ROBO2: variants seen among roughly 807,000 people sequenced by gnomAD.
ROBO2 encodes roundabout guidance receptor 2.
In ROBO2, 53 loss-of-function variants were observed where a neutral mutation model predicts 160.8. That is an observed-to-expected ratio of 0.33 (90% confidence interval 0.26 to 0.41). The LOEUF is 0.41. Among genes scored for constraint, ROBO2 ranks in the 10% least tolerant of loss-of-function variants. The probability of loss-of-function intolerance (pLI) is 1.00; values close to 1 mark genes in which losing one functional copy is unlikely to be tolerated. For synonymous variants in ROBO2, 664 were observed against 611.7 expected (o/e 1.09, Z -1.26); for missense variants, 1,577 against 1,722.4 (o/e 0.92, Z 1.49).
At chr3:77,301,482 A>T (rs979276072) in intron 2 of ROBO2, among the ~76,000 whole-genome samples, 1 of 152,210 alleles carries the variant, frequency 6.6e-6, no homozygotes, top group Admixed American at 6.5e-5. Context: ...CACCAAAATT[A>T]TAGAATAATA....
intron 2 of ROBO2, among the ~76,000 whole-genome samples, chr3:77,125,537 C>G (rs146921534): frequency 6.6e-6 from 1 of 152,096 alleles, no homozygotes; most frequent in South Asian, 2.1e-4. Context: ...TTCTTAACGA[C>G]GAAAAGATTG....
chr3:76,313,170 C>A (rs890183831), intron 2 of ROBO2, among the ~76,000 whole-genome samples: 2 of 152,182 alleles, frequency 1.3e-5, no homozygotes, highest in African/African-American at 4.8e-5. Context: ...AAACTTTAAA[C>A]GTGTTGACTG....
intron 2 of ROBO2, among the ~76,000 whole-genome samples, chr3:77,191,756 A>G (rs1392399211): frequency 2.0e-5 from 3 of 152,162 alleles, no homozygotes; most frequent in Non-Finnish European, 2.9e-5. Flanking sequence ...CTATGCATAA[A>G]CAAGTCCCCA....
At chr3:76,538,708 A>C (rs1211027593) in intron 2 of ROBO2, among the ~76,000 whole-genome samples, 2 of 152,198 alleles carry the variant, frequency 1.3e-5, no homozygotes, top group African/African-American at 4.8e-5. Flanking sequence ...CATAGTACCC[A>C]ACAGGTAGTT....
At chr3:76,693,246 A>G (rs1433438206) in intron 2 of ROBO2, among the ~76,000 whole-genome samples, 1 of 137,198 alleles carries the variant, frequency 7.3e-6, no homozygotes, top group Non-Finnish European at 1.5e-5. Flanking sequence ...ATATACATAT[A>G]TGTGTATATA....
chr3:76,378,612 T>C (rs1347130915), intron 2 of ROBO2, among the ~76,000 whole-genome samples: 3 of 152,122 alleles, frequency 2.0e-5, no homozygotes, highest in Non-Finnish European at 4.4e-5. Context: ...CAGTGCAGAG[T>C]AGCAAGTTTA....
intron 2 of ROBO2, among the ~76,000 whole-genome samples, chr3:76,834,187 CTCTTTCTT>C (rs1307644698): frequency 1.5e-4 from 17 of 111,784 alleles, no homozygotes; most frequent in African/African-American, 4.0e-4. Flanking sequence ...CTCTCTCTCT[CTCTTTCTT>C]TCTTTCTTTC....
chr3:76,421,152 A>G (rs957082941), intron 2 of ROBO2, among the ~76,000 whole-genome samples: 3 of 151,816 alleles, frequency 2.0e-5, no homozygotes, highest in Non-Finnish European at 4.4e-5. Flanking sequence ...GCTGTAACAA[A>G]TCAAACATCT....
At chr3:77,426,936 C>G (rs932977858) in intron 2 of ROBO2, among the ~76,000 whole-genome samples, 4 of 152,126 alleles carry the variant, frequency 2.6e-5, no homozygotes, top group African/African-American at 9.7e-5. Context: ...CATTGAAAAT[C>G]TGATGAAAGT....
At chr3:76,664,833 C>T (rs535247958) in intron 2 of ROBO2, among the ~76,000 whole-genome samples, 2 of 152,192 alleles carry the variant, frequency 1.3e-5, no homozygotes, top group East Asian at 1.9e-4. Context: ...GCAAAATATT[C>T]AGGAAATTAA....
At chr3:76,719,947 A>C (rs763169697) in intron 2 of ROBO2, among the ~76,000 whole-genome samples, 5 of 152,068 alleles carry the variant, frequency 3.3e-5, no homozygotes, top group Non-Finnish European at 5.9e-5. Context: ...TTAACTTCTT[A>C]ATTGAGAACT....
intron 1 of ROBO2, among the ~76,000 whole-genome samples, chr3:77,084,803 G>C (rs1377229746): frequency 1.3e-5 from 2 of 152,044 alleles, no homozygotes; most frequent in African/African-American, 4.8e-5. Flanking sequence ...CATAATTCAA[G>C]CAGAAAAAGA....
chr3:77,319,926 TAAC>T (rs2064494481), intron 2 of ROBO2, among the ~76,000 whole-genome samples: 2 of 152,180 alleles, frequency 1.3e-5, no homozygotes, highest in South Asian at 2.1e-4. Flanking sequence ...CCCAAAAAGA[TAAC>T]AACGTGGTCA....
intron 2 of ROBO2, among the ~76,000 whole-genome samples, chr3:76,856,239 G>A (rs2070059189): frequency 6.6e-6 from 1 of 152,100 alleles, no homozygotes; most frequent in Non-Finnish European, 1.5e-5. Context: ...AAATAATTTT[G>A]CATTATTTAC....
intron 2 of ROBO2, among the ~76,000 whole-genome samples, chr3:76,693,038 GTC>G (rs549228597): frequency 1.4e-4 from 19 of 135,606 alleles, no homozygotes; most frequent in Non-Finnish European, 1.8e-4. Context: ...ACATACATAA[GTC>G]TCTCTCCCTA....
In ROBO2 at chr3:77,268,260, A is replaced by G. The variant is rs377491557; in HGVS notation, c.388+169920A>G. Among the ~76,000 whole-genome samples, 22 of 152,348 alleles carry G rather than the reference A, an allele frequency of 1.4e-4. 1 individual carries two copies. The highest frequency in any genetic ancestry group is 5.9e-4 in the Admixed American group (9 of 15,302). The stretch of plus-strand genomic sequence containing the variant: ...TAGTAAAATATGGAACATATGCTCA[A>G]TGAAAAAATGCATATATTTTTATTC... On this transcript the variant is annotated intron_variant, in intron 2 of 25. Transcript: ENST00000461745.
Position 76,348,491 on chromosome 3 carries a change from A to C in ROBO2, c.109+410889A>C, listed in dbSNP as rs143530038. Reference sequence around the variant, plus strand: ...AACAAGTGAAGACCTCTACTAATGGAAACATTTAAGAAGAATTAGGCTACT... The same window carrying C: ...AACAAGTGAAGACCTCTACTAATGGCAACATTTAAGAAGAATTAGGCTACT... On this transcript the variant is annotated intron_variant, in intron 2 of 26. Transcript: ENST00000487694. Among the ~76,000 whole-genome samples the C allele has an allele frequency of 4.9e-3, 752 of 152,266 alleles. 9 individuals carry two copies. The highest frequency in any genetic ancestry group is 0.017 in the African/African-American group (714 of 41,556).
At chr3:76,913,000 T>G (rs2076084781) in intron 2 of ROBO2, among the ~76,000 whole-genome samples, 1 of 151,882 alleles carries the variant, frequency 6.6e-6, no homozygotes, top group South Asian at 2.1e-4. Context: ...CACAGATAAC[T>G]TCTGAGTAAC....
chr3:76,922,527 A>C (rs924736899), intron 2 of ROBO2, among the ~76,000 whole-genome samples: 2 of 152,214 alleles, frequency 1.3e-5, no homozygotes, highest in South Asian at 4.1e-4. Context: ...TTCCTTAAGC[A>C]GAAGGGTGAA....
Sources: allele counts gnomAD v4.1 joint callset (sites outside exome capture counted in the v4.1 genomes callset), GRCh38; gene constraint gnomAD v4.1.1; transcripts MANE v1.5; gene names NCBI Gene and HGNC (gene_info 2026-07-23, HGNC 2026-07-21).